PXDN: variants seen among roughly 807,000 people sequenced by gnomAD.
PXDN encodes the protein peroxidasin homolog.
A neutral mutation model predicts 140.3 loss-of-function variants in PXDN; 77 were observed. The observed-to-expected ratio is 0.55, with a 90% CI of 0.46 to 0.66. The LOEUF (loss-of-function observed/expected upper bound fraction) is 0.66. Ranked by LOEUF, PXDN falls within the 30% of genes least tolerant of loss-of-function variation. The pLI, the probability that PXDN is intolerant of heterozygous loss-of-function variation, is 0.00. For missense variants in PXDN, 1,838 were observed against 2,039.5 expected, an observed-to-expected ratio of 0.90 and a Z score of 1.90; for synonymous variants, 911 against 857.4, an observed-to-expected ratio of 1.06 and a Z score of -1.09.
intron 1 of PXDN, among the ~76,000 whole-genome samples, chr2:1,701,647 C>T (rs1684436561): frequency 6.6e-6 from 1 of 152,230 alleles, no homozygotes; most frequent in Non-Finnish European, 1.5e-5. Context: ...CAGGGGTGTC[C>T]AGCTGCCTGG....
rs1682976881 is a variant in PXDN, at chr2:1,649,953, C to T, written c.2105-278G>A. On this transcript the variant is annotated intron_variant, in intron 16 of 22. Transcript: ENST00000252804. The surrounding 1 kb of genome is among the most constrained non-coding windows in gnomAD (Gnocchi z 7.1). The stretch of plus-strand genomic sequence containing the variant: ...TCCCCACTTAGCAGTCTCATGGTTT[C>T]AACCAGCAGCTCTCCTCTGGGAGAC... Among the ~76,000 whole-genome samples the T allele has an allele frequency of 6.6e-6, 1 of 152,106 alleles. No homozygotes were observed.
chr2:1,672,907 T>C (rs1384571161), intron 9 of PXDN, among the ~76,000 whole-genome samples: 1 of 152,178 alleles, frequency 6.6e-6, no homozygotes, highest in Non-Finnish European at 1.5e-5. Flanking sequence ...GCAGCCTCCC[T>C]GGGTAAGGGC....
At position 1,666,304 on chromosome 2, in the gene PXDN, TC is replaced by T. The variant is rs777682752; in HGVS notation, c.1200del (p.Asn401ThrfsTer37). ...NITPSGGLYI[Q>X]NVVQGDSGEY... is the part of the protein sequence containing the mutation. ...TCTCCGCTGTCCCCCTGTACGACGT[TC>T]TGTATGTAAAGCCCGCCAGAAGGCG... is the stretch of plus-strand genomic sequence containing the variant. On this transcript the variant is annotated frameshift_variant, in exon 10 of 23. Coordinates refer to ENST00000252804, the MANE Select transcript of PXDN (RefSeq NM_012293.3). LOFTEE classifies it high-confidence loss of function. The T allele has an allele frequency of 6.2e-7, 1 of 1,614,010 alleles. No individual in the cohort carries two copies. The highest frequency in any genetic ancestry group is 8.5e-7 in the Non-Finnish European group (1 of 1,179,894).
rs139307683 is a variant in PXDN at position 1,694,158 on chromosome 2, G to A, written c.201-1024C>T. ...CTTTTAATATCGTCCAGTAGGGATC[G>A]GTACGGGTTGAACTGTGTCTCCCCG... On this transcript the variant is annotated intron_variant, in intron 1 of 22. Transcript: ENST00000252804. Among the ~76,000 whole-genome samples, 482 of 152,264 alleles carry A rather than the reference G, an allele frequency of 3.2e-3. 2 individuals carry two copies. Among genetic ancestry groups the A allele is most frequent in the African/African-American group, 4.5e-3 (186 of 41,544 alleles).
At chr2:1,720,488 T>C (rs1465028222) in intron 1 of PXDN, among the ~76,000 whole-genome samples, 2 of 152,092 alleles carry the variant, frequency 1.3e-5, no homozygotes, top group African/African-American at 2.4e-5. Flanking sequence ...AGGAGCTGGC[T>C]GAGATGGTGG....
At chr2:1,665,411 T>G (rs913057804) in intron 10 of PXDN, among the ~76,000 whole-genome samples, 1 of 152,166 alleles carries the variant, frequency 6.6e-6, no homozygotes, top group South Asian at 2.1e-4. Context: ...CACCCTAAAC[T>G]AATATTTGCA....
At chr2:1,675,816 TCA>T (rs932384616) in intron 8 of PXDN, among the ~76,000 whole-genome samples, 41 of 100,334 alleles carry the variant, frequency 4.1e-4, no homozygotes, top group Non-Finnish European at 1.1e-4. Flanking sequence ...AAACAATGAC[TCA>T]GTTTGAGCCC....
intron 1 of PXDN, among the ~76,000 whole-genome samples, chr2:1,696,748 G>A (rs1684309066): frequency 6.6e-6 from 1 of 152,178 alleles, no homozygotes; most frequent in Admixed American, 6.5e-5. Context: ...GGGATGGGCT[G>A]ACTTACAACA....
At chr2:1,662,542 C>T (rs1034657399) in intron 12 of PXDN, among the ~76,000 whole-genome samples, 14 of 152,296 alleles carry the variant, frequency 9.2e-5, no homozygotes, top group Admixed American at 5.2e-4. Context: ...TATGCTGTGC[C>T]GCAGGGCCCA....
intron 1 of PXDN, among the ~76,000 whole-genome samples, chr2:1,719,535 C>T (rs181002819): frequency 3.3e-5 from 5 of 152,360 alleles, no homozygotes; most frequent in Non-Finnish European, 5.9e-5. Flanking sequence ...CCCTGTGCCT[C>T]TAACAGCGGC....
At chr2:1,670,983 C>T (rs1318591170) in intron 9 of PXDN, among the ~76,000 whole-genome samples, 1 of 152,040 alleles carries the variant, frequency 6.6e-6, no homozygotes, top group Non-Finnish European at 1.5e-5. Flanking sequence ...AGGTGATCCC[C>T]GACAGAAGAG....
chr2:1,635,808 C>T (rs1437421097), intron 21 of PXDN: 13 of 420,096 alleles, frequency 3.1e-5, no homozygotes, highest in Non-Finnish European at 5.4e-5. Context: ...AACCAGATGA[C>T]GAGAACGTCC....
intron 1 of PXDN, among the ~76,000 whole-genome samples, chr2:1,718,048 C>T (rs1409021232): frequency 6.6e-6 from 1 of 151,736 alleles, no homozygotes; most frequent in Non-Finnish European, 1.5e-5. Context: ...TACTAACCAA[C>T]TACCCAAACC....
intron 2 of PXDN, among the ~76,000 whole-genome samples, chr2:1,692,821 C>CG (rs1386789795): frequency 2.0e-5 from 3 of 152,168 alleles, no homozygotes; most frequent in African/African-American, 7.2e-5. Flanking sequence ...ACAAGCTTAG[C>CG]GGTCAGCATG....
rs535107605 is a variant in PXDN, at chr2:1,685,706, G to A, written c.417-1555C>T. On this transcript the variant is annotated intron_variant, in intron 4 of 22. Coordinates refer to ENST00000252804, the MANE Select transcript of PXDN (RefSeq NM_012293.3). The surrounding 1 kb of genome is among the most constrained non-coding windows in gnomAD (Gnocchi z 5.1). ...TGCAATGCAGGTTGGCCAGGGGGAC[G>A]GCTGAGTGGGTGGGACTTGGCACCT... is the stretch of plus-strand genomic sequence containing the variant. 6.6e-5 allele frequency among the ~76,000 whole-genome samples: 10 copies of A among 150,386 alleles called. No homozygotes were observed. The highest frequency in any genetic ancestry group is 2.5e-4 in the African/African-American group (10 of 40,304).
chr2:1,724,586 T>C (rs1685133774), intron 1 of PXDN, among the ~76,000 whole-genome samples: 2 of 152,166 alleles, frequency 1.3e-5, no homozygotes, highest in Non-Finnish European at 2.9e-5. Flanking sequence ...CACTCTGCCA[T>C]TCAACAGACT....
At chr2:1,643,929 G>A (rs907525759) in intron 18 of PXDN, among the ~76,000 whole-genome samples, 4 of 151,840 alleles carry the variant, frequency 2.6e-5, no homozygotes, top group Non-Finnish European at 5.9e-5. Flanking sequence ...AAAATTAGCC[G>A]GGTGTGGTGG....
intron 4 of PXDN, among the ~76,000 whole-genome samples, chr2:1,686,384 G>C (rs1437644180): frequency 4.0e-5 from 6 of 151,866 alleles, no homozygotes; most frequent in Non-Finnish European, 7.4e-5. Context: ...CATCTACTTG[G>C]TGATTCACAG....
intron 19 of PXDN, among the ~76,000 whole-genome samples, chr2:1,640,716 C>T (rs1485421093): frequency 6.6e-6 from 1 of 152,236 alleles, no homozygotes; most frequent in Non-Finnish European, 1.5e-5. Context: ...GCCTCCCAGA[C>T]TACCGCAGCC....
Sources: allele counts gnomAD v4.1 joint callset (sites outside exome capture counted in the v4.1 genomes callset), GRCh38; gene constraint gnomAD v4.1.1; non-coding constraint Gnocchi (gnomAD v3.1); transcripts MANE v1.5; gene names NCBI Gene and HGNC (gene_info 2026-07-23, HGNC 2026-07-21).